Variants in MASTL observed in about 807,000 individuals in gnomAD.
MASTL encodes the protein microtubule associated serine/threonine kinase like, also known as serine/threonine-protein kinase greatwall.
In MASTL, 54 loss-of-function variants were observed where a neutral mutation model predicts 82.5. The observed-to-expected ratio is 0.65, with a 90% CI of 0.53 to 0.82. The LOEUF (loss-of-function observed/expected upper bound fraction) is 0.82, where lower values mean the gene tolerates loss of function less well. MASTL is among the 40% of genes least tolerant of loss of function. The pLI is 0.00. For missense variants in MASTL, 950 were observed against 1,047.8 expected (o/e 0.91, Z 1.29); for synonymous variants, 323 against 368.9 (o/e 0.88, Z 1.43).
At chr10:27,167,306 A>G (rs919299377) in intron 7 of MASTL, 32 bp downstream of exon 7, 2 of 1,551,052 alleles carry the variant, frequency 1.3e-6, no homozygotes, top group Non-Finnish European at 8.9e-7. Flanking sequence ...ATGAAAATCA[A>G]TTATGTATGT....
intron 4 of MASTL, among the ~76,000 whole-genome samples, chr10:27,164,723 C>T (rs577395468): frequency 2.2e-4 from 34 of 151,962 alleles, no homozygotes; most frequent in African/African-American, 7.7e-4. Context: ...CTGCAACCTC[C>T]GCCTCCCGTG....
At chr10:27,158,481 G>A in intron 1 of MASTL, 68 bp from the exon 2 acceptor site, 1 of 1,306,468 alleles carries the variant, frequency 7.7e-7, no homozygotes, top group East Asian at 2.4e-5. Flanking sequence ...CACTCAGCCT[G>A]GGCAAGAGAA....
chr10:27,178,236 A>C (rs2058163871), intron 9 of MASTL, among the ~76,000 whole-genome samples: 1 of 152,138 alleles, frequency 6.6e-6, no homozygotes, highest in South Asian at 2.1e-4. Context: ...CACTTAAAAA[A>C]AGGATAAAAA....
chr10:27,161,272 C>G, intron 4 of MASTL, 90 bp downstream of exon 4: 2 of 748,998 alleles, frequency 2.7e-6, no homozygotes, highest in Non-Finnish European at 4.7e-6. Flanking sequence ...CTTTGGGAGG[C>G]CAAGGCGGGC....
intron 10 of MASTL, 28 bp downstream of exon 10, chr10:27,181,094 T>C (rs754024202): frequency 6.7e-7 from 1 of 1,483,982 alleles, no homozygotes; most frequent in South Asian, 1.1e-5. Context: ...ATTAAGATAG[T>C]CATTTACTGG....
intron 9 of MASTL, 46 bp downstream of exon 9, chr10:27,173,305 C>G (rs1291485389): frequency 3.1e-6 from 5 of 1,610,688 alleles, no homozygotes; most frequent in Non-Finnish European, 4.2e-6. Flanking sequence ...TCTATCACTA[C>G]ATTATCTTTC....
At chr10:27,169,214 G>A (rs2057837763) in intron 7 of MASTL, among the ~76,000 whole-genome samples, 1 of 151,918 alleles carries the variant, frequency 6.6e-6, no homozygotes, top group South Asian at 2.1e-4. Context: ...AATATTTTAG[G>A]TCTATAATTT....
chr10:27,169,501 C>T (rs1336496441), intron 7 of MASTL, among the ~76,000 whole-genome samples: 1 of 150,976 alleles, frequency 6.6e-6, no homozygotes, highest in Non-Finnish European at 1.5e-5. Flanking sequence ...ACCCAGGAGG[C>T]AGAGGCTGCA....
chr10:27,182,131 G>C (rs967831396), intron 11 of MASTL, among the ~76,000 whole-genome samples: 17 of 150,262 alleles, frequency 1.1e-4, no homozygotes, highest in Non-Finnish European at 2.5e-4. Context: ...TGCACCTGTA[G>C]TCCCAGCTAC....
upstream of MASTL, chr10:27,154,491 T>C (rs1465370114): frequency 1.8e-6 from 1 of 549,786 alleles, no homozygotes; most frequent in Non-Finnish European, 3.3e-6. Context: ...TAGTTGACAT[T>C]TACAAGGAGC....
intron 7 of MASTL, among the ~76,000 whole-genome samples, chr10:27,167,760 G>C (rs111678642): frequency 0.022 from 3,411 of 152,282 alleles, 129 homozygotes; most frequent in African/African-American, 0.078. Context: ...CCCTTAAAGT[G>C]TCTGTTCTGA....
At chr10:27,160,975 T>C in intron 3 of MASTL, 119 bp from the exon 4 acceptor site, 1 of 721,246 alleles carries the variant, frequency 1.4e-6, no homozygotes, top group Non-Finnish European at 2.5e-6. Context: ...TCAATGAGTA[T>C]CTTTATTTTG....
At chr10:27,161,636 TGTTA>T (rs2135988272) in intron 4 of MASTL, among the ~76,000 whole-genome samples, 1 of 152,228 alleles carries the variant, frequency 6.6e-6, no homozygotes, top group East Asian at 1.9e-4. Flanking sequence ...AAATAAAATT[TGTTA>T]TTTATCCCAG....
chr10:27,169,959 T>C lies in MASTL; in HGVS notation c.1000T>C (p.Leu334=), dbSNP rs1194157842. Residue 334 remains leucine (L), a synonymous_variant, in exon 8 of 12, where the codon TTG becomes CTG. Transcript: ENST00000375940. ...EKDCQESDEA[L]GPTMMSWNAV... is the part of the protein sequence containing the mutation. ...TCCCTCTTAGGAAAGTGATGAAGCATTGGGCCCAACAATGATGAGTTGGAA... is the reference window on the plus strand; with the variant it reads ...TCCCTCTTAGGAAAGTGATGAAGCACTGGGCCCAACAATGATGAGTTGGAA... 1.9e-6 allele frequency: 3 copies of C among 1,614,130 alleles called. No individual in the cohort carries two copies. The highest frequency in any genetic ancestry group is 1.7e-5 in the Admixed American group (1 of 60,012).
rs964553973 is a variant in MASTL at position 27,187,412 on chromosome 10, A to G, written c.*876A>G. Among the ~76,000 whole-genome samples the G allele has an allele frequency of 6.6e-6, 1 of 152,198 alleles. No individual in the cohort carries two copies. Among genetic ancestry groups the G allele is most frequent in the African/African-American group, 2.4e-5 (1 of 41,452 alleles). ...ACTTTACTAATGATACGGTTTTGCC[A>G]CCTTAATTTCTATTGGTGCGTAGTC... On this transcript the variant is annotated 3_prime_UTR_variant, in exon 12 of 12. Transcript: ENST00000375940.
At chr10:27,172,672 G>A (rs897503208) in intron 8 of MASTL, among the ~76,000 whole-genome samples, 2 of 151,976 alleles carry the variant, frequency 1.3e-5, no homozygotes, top group African/African-American at 4.8e-5. Context: ...AAAACTTGTT[G>A]TGAAATAACA....
In MASTL at chr10:27,182,785, CTT is replaced by C. The variant is rs35395419; in HGVS notation, c.2482+1217_2482+1218del. On this transcript the variant is annotated intron_variant, in intron 11 of 11. Coordinates refer to ENST00000375940, the MANE Select transcript of MASTL (RefSeq NM_001172303.3). ...TCAAGTATCTAAAACAATCTTACCT[CTT>C]TTTTTTTTTTTTAACATACGTTATT... 5.6e-3 allele frequency among the ~76,000 whole-genome samples: 815 copies of C among 146,460 alleles called. 1 individual carries two copies. Among genetic ancestry groups the C allele is most frequent in the Admixed American group, 5.5e-3 (81 of 14,644 alleles).
At chr10:27,181,259 C>T (rs755770994) in intron 10 of MASTL, among the ~76,000 whole-genome samples, 193 bp downstream of exon 10, 5 of 151,982 alleles carry the variant, frequency 3.3e-5, no homozygotes, top group African/African-American at 9.7e-5. Flanking sequence ...GGCATGTTGA[C>T]GGGCGCCTGT....
At chr10:27,154,893 TG>T (rs1255721491), upstream of MASTL, 2 of 161,990 alleles carry the variant, frequency 1.2e-5, no homozygotes, top group Non-Finnish European at 2.7e-5. Context: ...AATTACATCC[TG>T]GGAAAACGTC....
Sources: gnomAD v4.1 joint callset for allele counts (sites outside exome capture counted in the v4.1 genomes callset) on GRCh38, gnomAD v4.1.1 for gene constraint, MANE v1.5 for transcripts, NCBI Gene and HGNC (gene_info 2026-07-23, HGNC 2026-07-21) for gene names.